Variants in POFUT1 observed in about 807,000 individuals in gnomAD.
POFUT1 encodes GDP-fucose protein O-fucosyltransferase 1.
POFUT1 carries 16 observed loss-of-function variants against 42.4 expected under a neutral mutation model. The ratio of observed to expected loss-of-function variants is 0.38; its 90% confidence interval spans 0.26 to 0.57. The LOEUF (loss-of-function observed/expected upper bound fraction) is 0.57. Among genes scored for constraint, POFUT1 ranks in the 20% least tolerant of loss-of-function variants. POFUT1 has a pLI of 0.71. For synonymous variants in POFUT1, 206 were observed against 205.4 expected, an observed-to-expected ratio of 1.00 and a Z score of -0.03; for missense variants, 470 against 504.6, an observed-to-expected ratio of 0.93 and a Z score of 0.66.
chr20:32,217,346 A>G, intron 4 of POFUT1: 2 of 1,166,720 alleles, frequency 1.7e-6, no homozygotes, highest in Non-Finnish European at 2.1e-6. Flanking sequence ...CCTTAATGTT[A>G]TAGCATGGCA....
chr20:32,217,666 C>G, intron 4 of POFUT1: 4 of 985,648 alleles, frequency 4.1e-6, no homozygotes, highest in Non-Finnish European at 4.8e-6. Flanking sequence ...CTGATGGTAT[C>G]TGCCTCGTAG....
At chr20:32,219,878 C>A (rs534641178) in intron 4 of POFUT1, among the ~76,000 whole-genome samples, 1 of 152,146 alleles carries the variant, frequency 6.6e-6, no homozygotes, top group Admixed American at 6.5e-5. Context: ...TTCATTTTTC[C>A]GTTTTCTTAT....
At chr20:32,213,280 G>C (rs1346016755) in intron 2 of POFUT1, among the ~76,000 whole-genome samples, 4 of 151,992 alleles carry the variant, frequency 2.6e-5, no homozygotes, top group Non-Finnish European at 5.9e-5. Flanking sequence ...TGGCCAACAT[G>C]GTGAAACCCC....
chr20:32,211,725 A>C (rs73235295), intron 2 of POFUT1, among the ~76,000 whole-genome samples: 8,051 of 152,134 alleles, frequency 0.053, 783 homozygotes, highest in African/African-American at 0.18. Context: ...CTTCTTCGCC[A>C]CTGTTAGCAT....
intron 2 of POFUT1, among the ~76,000 whole-genome samples, chr20:32,212,333 A>T (rs142676756): frequency 2.0e-4 from 30 of 151,408 alleles, no homozygotes; most frequent in African/African-American, 7.0e-4. Context: ...GTGCAGTGGC[A>T]TGATCATCGC....
Position 32,216,716 on chromosome 20 carries a change from C to T in POFUT1, c.537C>T (p.Ser179=). The T allele has an allele frequency of 6.2e-7, 1 of 1,604,782 alleles. No homozygotes were observed. Among genetic ancestry groups the T allele is most frequent in the South Asian group, 1.1e-5 (1 of 90,916 alleles). The stretch of plus-strand genomic sequence containing the variant: ...GTGCTTCCTACAGAGAACAATGGAG[C>T]CAGAGGTACTTGGAGGGGGTAGCGT... ...SFSASYREQW[S]QRFSPKEHPV... is the part of the protein sequence containing the mutation. The change falls in exon 4 of 7, where the codon AGC becomes AGT. Residue 179 remains serine, a synonymous_variant. Transcript: ENST00000375749.
intron 4 of POFUT1, chr20:32,223,478 G>A: frequency 4.1e-6 from 4 of 985,374 alleles, no homozygotes; most frequent in Non-Finnish European, 4.8e-6. Context: ...GTTGGCTGCA[G>A]GTGCTTTCCA....
rs1319183357 is a variant in POFUT1 at position 32,223,463 on chromosome 20, C to T, written c.543-4800C>T. The T allele has an allele frequency of 5.1e-6, 5 of 985,236 alleles. No individual in the cohort carries two copies. The African/African-American group carries it at 5.2e-5, about 10-fold the overall frequency. 61.0% of individuals were successfully genotyped at this position (985,236 alleles called of 1,614,324 possible). A position where few individuals can be genotyped will look rare whatever the true frequency, so the allele number is the denominator to read the frequency against. Reference sequence around the variant, plus strand: ...CACACATTCCAAGTCTGGAATTCACCGAAGGTTGGCTGCAGGTGCTTTCCA... The same window carrying T: ...CACACATTCCAAGTCTGGAATTCACTGAAGGTTGGCTGCAGGTGCTTTCCA... On this transcript the variant is annotated intron_variant, in intron 4 of 6. Transcript: ENST00000375749.
chr20:32,230,114 G>A (rs1442134418), intron 5 of POFUT1, among the ~76,000 whole-genome samples: 11 of 151,928 alleles, frequency 7.2e-5, no homozygotes, highest in East Asian at 3.9e-4. Context: ...TAGGCTGGGC[G>A]TGGTGGCTCA....
intron 4 of POFUT1, among the ~76,000 whole-genome samples, chr20:32,218,931 T>C (rs866937781): frequency 3.9e-5 from 6 of 152,304 alleles, no homozygotes; most frequent in Middle Eastern, 3.4e-3. Context: ...TTGAAGAAGT[T>C]TGTGCCTTAC....
rs1407012995 is a variant in POFUT1 at position 32,230,803 on chromosome 20, T to C, written c.736-16T>C. 1 of 1,610,914 alleles carries C rather than the reference T, an allele frequency of 6.2e-7. No homozygotes were observed. The highest frequency in any genetic ancestry group is 1.3e-5 in the African/African-American group (1 of 74,910). On this transcript the variant is annotated splice_polypyrimidine_tract_variant and intron_variant, in intron 5 of 6. Transcript: ENST00000375749. Reference sequence around the variant, plus strand: ...GGCAGTTGCCAGTATTTAACCCTGTTCCCCGCTCTCCGTAGAAGAACGCCT... The same window carrying C: ...GGCAGTTGCCAGTATTTAACCCTGTCCCCCGCTCTCCGTAGAAGAACGCCT...
At chr20:32,228,538 C>T (rs1375270612) in intron 5 of POFUT1, 83 bp downstream of exon 5, 1 of 1,193,294 alleles carries the variant, frequency 8.4e-7, no homozygotes, top group East Asian at 2.5e-5. Flanking sequence ...GGCCCCGCGT[C>T]CCAGCCAGAG....
intron 5 of POFUT1, among the ~76,000 whole-genome samples, 174 bp downstream of exon 5, chr20:32,228,629 G>A (rs1262270353): frequency 6.6e-6 from 1 of 152,208 alleles, no homozygotes; most frequent in Admixed American, 6.5e-5. Context: ...TAACTCCAGA[G>A]TGCCTGCCAG....
intron 4 of POFUT1, among the ~76,000 whole-genome samples, chr20:32,227,273 C>T (rs539931459): frequency 1.4e-4 from 21 of 152,156 alleles, no homozygotes; most frequent in Non-Finnish European, 2.4e-4. Context: ...AATCCCAACA[C>T]TGGGAGGCCT....
At chr20:32,217,647 T>C (rs2047369317) in intron 4 of POFUT1, 1 of 985,720 alleles carries the variant, frequency 1.0e-6, no homozygotes, top group Non-Finnish European at 1.2e-6. Flanking sequence ...AGGAGTGAGA[T>C]AGCCAGCGCT....
chr20:32,234,588 A>C lies in POFUT1; in HGVS notation c.1094A>C (p.Glu365Ala), dbSNP rs757779176. 6 of 1,614,108 alleles carry C rather than the reference A, an allele frequency of 3.7e-6. No homozygotes were observed. The South Asian group carries it at 6.6e-5, about 18-fold the overall frequency. The change falls in exon 7 of 7, where the codon GAG becomes GCG. Residue 365 changes from glutamate (E) to alanine (A), a missense_variant. By Grantham distance (107) the Glu-to-Ala change is moderately radical (BLOSUM62 -1). Coordinates refer to ENST00000375749, the MANE Select transcript of POFUT1 (RefSeq NM_015352.2). The stretch of plus-strand genomic sequence containing the variant: ...TCCTTCACTGCCTTTGTGAAGCGGG[A>C]GCGGGACCTCCAGGGGAGGCCGTCT... ...VSSFTAFVKRERDLQGRPSSF... is the reference protein window; with the variant it reads ...VSSFTAFVKRARDLQGRPSSF...
chr20:32,212,699 T>C (rs1319272551), intron 2 of POFUT1, among the ~76,000 whole-genome samples: 1 of 151,138 alleles, frequency 6.6e-6, no homozygotes. Flanking sequence ...TTTGTGCCTC[T>C]ACTCTTGAGT....
intron 4 of POFUT1, chr20:32,223,052 G>T: frequency 1.0e-5 from 10 of 985,428 alleles, no homozygotes; most frequent in Non-Finnish European, 1.2e-5. Flanking sequence ...TCCACTGGTG[G>T]TCCCACAGAT....
Position 32,207,988 on chromosome 20 carries a change from T to C in POFUT1, c.47T>C (p.Leu16Pro). The C allele has an allele frequency of 1.9e-6, 3 of 1,594,320 alleles. No individual in the cohort carries two copies. The highest frequency in any genetic ancestry group is 2.6e-6 in the Non-Finnish European group (3 of 1,175,758). ...WARPLSVSFL[L>P]LLLPLPGMPA... is the part of the protein sequence containing the mutation. ...CGGCCGCTGAGCGTGTCTTTCCTGC[T>C]GCTGCTTCTGCCGCTCCCGGGGATG... The change falls in exon 1 of 7, where the codon CTG becomes CCG. Residue 16 changes from leucine (L) to proline (P), a missense_variant. Leu to Pro is a moderately conservative substitution (Grantham distance 98, BLOSUM62 -3). Coordinates refer to ENST00000375749, the MANE Select transcript of POFUT1 (RefSeq NM_015352.2).
Sources: gnomAD v4.1 joint callset for allele counts (sites outside exome capture counted in the v4.1 genomes callset) on GRCh38, gnomAD v4.1.1 for gene constraint, MANE v1.5 for transcripts, NCBI Gene and HGNC (gene_info 2026-07-23, HGNC 2026-07-21) for gene names.